Variants in SND1 observed in about 807,000 individuals in gnomAD.
The protein encoded by SND1 is staphylococcal nuclease domain-containing protein 1.
SND1 carries 38 observed loss-of-function variants against 121.7 expected under a neutral mutation model. The ratio of observed to expected loss-of-function variants is 0.31; its 90% confidence interval spans 0.24 to 0.41. The LOEUF is 0.41. Ranked by LOEUF, SND1 falls within the 10% of genes least tolerant of loss-of-function variation. The probability of loss-of-function intolerance (pLI) is 1.00; values close to 1 mark genes in which losing one functional copy is unlikely to be tolerated. For missense variants in SND1, 868 were observed against 1,184.6 expected, an observed-to-expected ratio of 0.73 and a Z score of 3.92; for synonymous variants, 401 against 447.4, an observed-to-expected ratio of 0.90 and a Z score of 1.31.
At chr7:127,838,471 A>G (rs553341223) in intron 11 of SND1, among the ~76,000 whole-genome samples, 1 of 152,332 alleles carries the variant, frequency 6.6e-6, no homozygotes, top group African/African-American at 2.4e-5. Flanking sequence ...TTCCTAATTT[A>G]GTAAGGCAAG....
At chr7:127,715,745 T>C (rs1296067948) in intron 9 of SND1, among the ~76,000 whole-genome samples, 1 of 152,238 alleles carries the variant, frequency 6.6e-6, no homozygotes, top group Non-Finnish European at 1.5e-5. Context: ...TTTGTACTAT[T>C]GTTGCCTGTT....
chr7:127,858,488 G>C, intron 12 of SND1: 2 of 573,506 alleles, frequency 3.5e-6, no homozygotes, highest in Non-Finnish European at 6.4e-6. Context: ...CTCATTTCTA[G>C]AGCTTTTACC....
chr7:128,017,053 A>G (rs569998281), intron 16 of SND1, among the ~76,000 whole-genome samples: 1 of 152,224 alleles, frequency 6.6e-6, no homozygotes, highest in Non-Finnish European at 1.5e-5. Flanking sequence ...CAGCAACAAA[A>G]TGTGGCAGAT....
chr7:127,775,748 A>G (rs1208774829), intron 10 of SND1, among the ~76,000 whole-genome samples: 1 of 151,948 alleles, frequency 6.6e-6, no homozygotes, highest in Non-Finnish European at 1.5e-5. Flanking sequence ...GGGTCTTGCT[A>G]TGTTACTCAG....
chr7:127,818,870 G>A (rs567466000), intron 11 of SND1, among the ~76,000 whole-genome samples: 106 of 152,360 alleles, frequency 7.0e-4, no homozygotes, highest in African/African-American at 2.4e-3. Context: ...TCACAGAGGT[G>A]ACCTGGTCTT....
intron 10 of SND1, among the ~76,000 whole-genome samples, chr7:127,764,056 A>AAAAAAAAAAAAAAAAAAAAAAC (rs1554422863): frequency 1.5e-5 from 2 of 135,218 alleles, no homozygotes; most frequent in African/African-American, 2.6e-5. Flanking sequence ...AAAAAAACAA[A>AAAAAAAAAAAAAAAAAAAAAAC]AAAACAAAAA....
intron 16 of SND1, among the ~76,000 whole-genome samples, chr7:128,069,079 T>A (rs1793364206): frequency 6.6e-6 from 1 of 152,164 alleles, no homozygotes; most frequent in Non-Finnish European, 1.5e-5. Context: ...GAGAAAGGGA[T>A]CTGTGCAGGT....
intron 10 of SND1, among the ~76,000 whole-genome samples, chr7:127,756,329 G>C (rs576128725): frequency 6.6e-6 from 1 of 152,206 alleles, no homozygotes; most frequent in South Asian, 2.1e-4. Context: ...TTGAATTGTT[G>C]ACTAGGATTG....
At chr7:127,975,405 AAG>A (rs942052296) in intron 15 of SND1, among the ~76,000 whole-genome samples, 5 of 131,004 alleles carry the variant, frequency 3.8e-5, no homozygotes, top group South Asian at 2.5e-4. Flanking sequence ...GTGTGTGTGT[AAG>A]AGAGATTGAC....
At chr7:127,973,323 C>T (rs1802042444) in intron 15 of SND1, among the ~76,000 whole-genome samples, 1 of 152,102 alleles carries the variant, frequency 6.6e-6, no homozygotes, top group South Asian at 2.1e-4. Flanking sequence ...GAGTCATCAG[C>T]TTATAGTGGA....
At position 127,929,326 on chromosome 7, in the gene SND1, G is replaced by T. The variant is rs1291547691; in HGVS notation, c.1666G>T (p.Ala556Ser). ...AACTTGCCTTATCACCTTCTTGCTTGCAGGTAAGTCTTATGTGTTACATGT... is the reference window on the plus strand; with the variant it reads ...AACTTGCCTTATCACCTTCTTGCTTTCAGGTAAGTCTTATGTGTTACATGT... ...KETCLITFLLAGIECPRGARN... is the reference protein window; with the variant it reads ...KETCLITFLLSGIECPRGARN... The change falls in exon 15 of 24, where the codon GCA becomes TCA. Residue 556 changes from alanine (A) to serine (S), a missense_variant. Ala to Ser is a moderately conservative substitution (Grantham distance 99). This residue lies in a region of SND1 where 743 missense variants were observed against 1,071.3 expected (regional missense o/e 0.69). Transcript: ENST00000354725. The T allele has an allele frequency of 3.1e-6, 5 of 1,613,852 alleles. No homozygotes were observed. Among genetic ancestry groups the T allele is most frequent in the Non-Finnish European group, 4.2e-6 (5 of 1,179,946 alleles).
intron 15 of SND1, among the ~76,000 whole-genome samples, chr7:127,972,122 A>G (rs1563074912): frequency 6.6e-6 from 1 of 152,178 alleles, no homozygotes; most frequent in Non-Finnish European, 1.5e-5. Context: ...TAAACACCAT[A>G]CATGAAGATA....
chr7:128,001,850 G>A (rs1802839847), intron 16 of SND1, among the ~76,000 whole-genome samples: 1 of 152,228 alleles, frequency 6.6e-6, no homozygotes, highest in South Asian at 2.1e-4. Flanking sequence ...AGAATCACTT[G>A]AACCCAGGAG....
chr7:127,753,075 T>G (rs1315835596), intron 10 of SND1, among the ~76,000 whole-genome samples: 1 of 152,168 alleles, frequency 6.6e-6, no homozygotes, highest in African/African-American at 2.4e-5. Flanking sequence ...GGCCCAGTGA[T>G]CTTAACTCAC....
At chr7:127,900,636 C>T (rs933696128) in intron 13 of SND1, among the ~76,000 whole-genome samples, 4 of 152,194 alleles carry the variant, frequency 2.6e-5, no homozygotes, top group African/African-American at 9.6e-5. Context: ...GCAGAGTTTT[C>T]CAGTGGTCTG....
chr7:127,822,354 A>G (rs2116607361), intron 11 of SND1, among the ~76,000 whole-genome samples: 1 of 152,330 alleles, frequency 6.6e-6, no homozygotes, highest in East Asian at 1.9e-4. Context: ...AAGGATTATC[A>G]TATTTGATCT....
At chr7:127,690,657 C>T (rs1795896725) in intron 2 of SND1, among the ~76,000 whole-genome samples, 1 of 152,238 alleles carries the variant, frequency 6.6e-6, no homozygotes, top group African/African-American at 2.4e-5. Flanking sequence ...CAGTACCTGA[C>T]ACAATACAGG....
intron 15 of SND1, among the ~76,000 whole-genome samples, chr7:127,929,570 C>G (rs955723924): frequency 2.0e-5 from 3 of 152,228 alleles, no homozygotes; most frequent in African/African-American, 7.2e-5. Flanking sequence ...GAGCAACTTG[C>G]AAGCACGCAG....
At chr7:127,727,023 C>T (rs1259878476) in intron 10 of SND1, among the ~76,000 whole-genome samples, 1 of 152,312 alleles carries the variant, frequency 6.6e-6, no homozygotes, top group East Asian at 1.9e-4. Context: ...TGGTAGTCAC[C>T]CCCTGCTACC....
Sources: allele counts gnomAD v4.1 joint callset (sites outside exome capture counted in the v4.1 genomes callset), GRCh38; gene constraint gnomAD v4.1.1; regional missense constraint gnomAD v4.1.1; transcripts MANE v1.5; gene names NCBI Gene and HGNC (gene_info 2026-07-23, HGNC 2026-07-21).